The following DGKI variants were observed in gnomAD, a reference collection of about 807,000 sequenced individuals.
The protein encoded by DGKI is diacylglycerol kinase iota, also known as DAG kinase iota.
Under a neutral mutation model 147.5 loss-of-function variants are expected in DGKI, and 55 were observed. The observed-to-expected ratio is 0.37, with a 90% CI of 0.30 to 0.47. The LOEUF is 0.47. DGKI is among the 20% of genes least tolerant of loss of function. The pLI, the probability that DGKI is intolerant of heterozygous loss-of-function variation, is 1.00. For missense variants in DGKI, 1,007 were observed against 1,323.8 expected (o/e 0.76, Z 3.71); for synonymous variants, 469 against 477.1 (o/e 0.98, Z 0.22).
At chr7:137,467,807 T>G (rs1585142440) in intron 24 of DGKI, among the ~76,000 whole-genome samples, 1 of 151,962 alleles carries the variant, frequency 6.6e-6, no homozygotes, top group Non-Finnish European at 1.5e-5. Context: ...AAAGCAAGAC[T>G]TCATCTCTAC....
chr7:137,603,541 G>A (rs531633834), intron 10 of DGKI, among the ~76,000 whole-genome samples: 29 of 152,200 alleles, frequency 1.9e-4, no homozygotes, highest in South Asian at 4.2e-4. Flanking sequence ...GTGTACCGTC[G>A]GGATCTCAGA....
chr7:137,411,157 C>T (rs1283774958), intron 29 of DGKI, among the ~76,000 whole-genome samples: 4 of 152,194 alleles, frequency 2.6e-5, no homozygotes, highest in Admixed American at 6.5e-5. Context: ...TGCAATGGCA[C>T]CTCACTCCAC....
intron 1 of DGKI, among the ~76,000 whole-genome samples, chr7:137,832,392 C>T (rs966584580): frequency 1.3e-5 from 2 of 152,240 alleles, no homozygotes; most frequent in African/African-American, 2.4e-5. Context: ...GGTTCCCAAA[C>T]TTTGATGCTT....
rs1795027275 is a variant in DGKI, at chr7:137,736,488, CT to C, written c.402-46487del. On this transcript the variant is annotated intron_variant, in intron 1 of 32. Transcript: ENST00000614521. ...TAGCAGACCTTACCTCTTCACGTTG[CT>C]GTGAAGAATAAATGAGAGAATGCAC... Among the ~76,000 whole-genome samples, 4 of 152,200 alleles carry C rather than the reference CT, an allele frequency of 2.6e-5. No homozygotes were observed. In the South Asian group the frequency reaches 8.3e-4, roughly 32 times the overall value.
At chr7:137,499,238 G>A (rs567213355) in intron 21 of DGKI, among the ~76,000 whole-genome samples, 2 of 152,258 alleles carry the variant, frequency 1.3e-5, no homozygotes, top group East Asian at 3.9e-4. Flanking sequence ...GAACAGTGAG[G>A]GGTGGTACTT....
intron 1 of DGKI, among the ~76,000 whole-genome samples, chr7:137,824,572 CCT>C (rs1798002199): frequency 6.6e-6 from 1 of 151,568 alleles, no homozygotes; most frequent in Non-Finnish European, 1.5e-5. Context: ...TATTTAAAGC[CCT>C]GTCATTCTTT....
chr7:137,795,020 A>G (rs1281209631), intron 1 of DGKI, among the ~76,000 whole-genome samples: 1 of 152,176 alleles, frequency 6.6e-6, no homozygotes, highest in African/African-American at 2.4e-5. Context: ...TTGTGTCTCA[A>G]AAGAAGTCAG....
At chr7:137,599,774 TCACTTGCCTAAAATACATATGGAC>T in intron 11 of DGKI, 25 bp downstream of exon 11, 1 of 1,559,522 alleles carries the variant, frequency 6.4e-7, no homozygotes, top group South Asian at 1.1e-5. Flanking sequence ...CAGAAAATTC[TCACTTGCCTAAAATACATATGGAC>T]CATGGAGAAT....
At position 137,599,851 on chromosome 7, in the gene DGKI, C is replaced by T. The variant is rs1819925718; in HGVS notation, c.1222G>A (p.Asp408Asn). The T allele has an allele frequency of 6.2e-7, 1 of 1,613,810 alleles. No individual in the cohort carries two copies. The highest frequency in any genetic ancestry group is 8.5e-7 in the Non-Finnish European group (1 of 1,179,764). The change falls in exon 11 of 33, where the codon GAT becomes AAT. Residue 408 changes from aspartate to asparagine, a missense_variant. Asp to Asn is a conservative substitution (Grantham distance 23). Coordinates refer to ENST00000614521, the MANE Select transcript of DGKI (RefSeq NM_001321708.2). The part of the protein sequence containing the change: ...MWYLNPRQVF[D>N]LSQEGPKDAL... ...TCTTTTGGCCCTTCCTGAGAAAGAT[C>T]AAAGACTTGCCGTGGATTCAGGTAC... is the stretch of plus-strand genomic sequence containing the variant.
intron 21 of DGKI, among the ~76,000 whole-genome samples, chr7:137,518,087 T>C (rs1816842522): frequency 6.6e-6 from 1 of 152,066 alleles, no homozygotes; most frequent in Non-Finnish European, 1.5e-5. Flanking sequence ...TCTGGTTTTA[T>C]GGACTTGAAG....
chr7:137,576,065 G>C (rs1206295056), intron 17 of DGKI, among the ~76,000 whole-genome samples: 4 of 137,362 alleles, frequency 2.9e-5, no homozygotes, highest in African/African-American at 1.2e-4. Flanking sequence ...TTTAGACGGA[G>C]TGTTGCTCTG....
intron 17 of DGKI, 112 bp from the exon 18 acceptor site, chr7:137,572,950 A>C (rs1818843252): frequency 1.4e-6 from 1 of 705,366 alleles, no homozygotes; most frequent in African/African-American, 1.8e-5. Context: ...TCCTTGCCCT[A>C]TCTCTGCTTA....
intron 23 of DGKI, among the ~76,000 whole-genome samples, chr7:137,472,234 A>ATATATACACATAATAT (rs1814951532): frequency 1.1e-5 from 1 of 95,108 alleles, no homozygotes; most frequent in Non-Finnish European, 1.8e-5. Flanking sequence ...TATACATATA[A>ATATATACACATAATAT]TATATGTATA....
chr7:137,735,658 T>C (rs1795002024), intron 1 of DGKI, among the ~76,000 whole-genome samples: 1 of 152,104 alleles, frequency 6.6e-6, no homozygotes, highest in African/African-American at 2.4e-5. Context: ...TGCCAGTATA[T>C]AAACTTGGTC....
chr7:137,509,642 T>C (rs1327876755), intron 21 of DGKI, among the ~76,000 whole-genome samples: 1 of 152,158 alleles, frequency 6.6e-6, no homozygotes, highest in Non-Finnish European at 1.5e-5. Flanking sequence ...AAAACTGTGA[T>C]GATGGAGGAC....
intron 23 of DGKI, among the ~76,000 whole-genome samples, chr7:137,478,797 C>T (rs903522470): frequency 6.6e-6 from 1 of 152,132 alleles, no homozygotes; most frequent in African/African-American, 2.4e-5. Flanking sequence ...CTAGGTTGGA[C>T]CTGGCGATGT....
At chr7:137,447,322 A>G (rs1355881585) in intron 27 of DGKI, among the ~76,000 whole-genome samples, 1 of 152,192 alleles carries the variant, frequency 6.6e-6, no homozygotes, top group Non-Finnish European at 1.5e-5. Flanking sequence ...AATTTCAGGG[A>G]ACTCATAATC....
intron 19 of DGKI, among the ~76,000 whole-genome samples, chr7:137,555,960 T>C (rs1382323919): frequency 2.0e-5 from 3 of 150,874 alleles, no homozygotes; most frequent in Non-Finnish European, 2.9e-5. Context: ...ATGATCATAA[T>C]GCCAAAATCA....
At chr7:137,459,975 T>C (rs1251591029) in intron 27 of DGKI, among the ~76,000 whole-genome samples, 1 of 152,206 alleles carries the variant, frequency 6.6e-6, no homozygotes. Context: ...GTACTATGAA[T>C]ACTACGTTAG....
Sources: gnomAD v4.1 joint callset for allele counts (sites outside exome capture counted in the v4.1 genomes callset) on GRCh38, gnomAD v4.1.1 for gene constraint, MANE v1.5 for transcripts, NCBI Gene and HGNC (gene_info 2026-07-23, HGNC 2026-07-21) for gene names.